Variants in FNDC3A observed in about 807,000 individuals in gnomAD.
FNDC3A encodes the protein fibronectin type III domain containing 3A, also known as fibronectin type-III domain-containing protein 3A.
A neutral mutation model predicts 148.9 loss-of-function variants in FNDC3A; 32 were observed. The observed-to-expected ratio is 0.21, with a 90% confidence interval of 0.16 to 0.29. FNDC3A has a LOEUF of 0.29. Among genes scored for constraint, FNDC3A ranks in the 10% least tolerant of loss-of-function variants. FNDC3A has a pLI of 1.00. For synonymous variants in FNDC3A, 472 were observed against 473.6 expected (o/e 1.00, Z 0.04); for missense variants, 1,191 against 1,452.8 (o/e 0.82, Z 2.93).
intron 1 of FNDC3A, among the ~76,000 whole-genome samples, chr13:49,002,111 C>A (rs1295588225): frequency 2.0e-5 from 3 of 152,160 alleles, no homozygotes; most frequent in African/African-American, 4.8e-5. Context: ...AGAAAAGAAC[C>A]TACGTGACTA....
chr13:49,033,512 G>A (rs535811532), intron 2 of FNDC3A, among the ~76,000 whole-genome samples: 3 of 152,074 alleles, frequency 2.0e-5, no homozygotes, highest in African/African-American at 4.8e-5. Flanking sequence ...GACAATATGA[G>A]GTCCAACTTG....
intron 2 of FNDC3A, among the ~76,000 whole-genome samples, chr13:49,038,118 C>G (rs1414203316): frequency 6.6e-6 from 1 of 152,168 alleles, no homozygotes; most frequent in Non-Finnish European, 1.5e-5. Context: ...CCACTGAACT[C>G]TTGGTGTTCA....
intron 2 of FNDC3A, among the ~76,000 whole-genome samples, chr13:49,074,984 T>A (rs1219616248): frequency 6.6e-6 from 1 of 152,198 alleles, no homozygotes; most frequent in African/African-American, 2.4e-5. Context: ...TAAGCTCACT[T>A]AGATGATCTA....
chr13:48,991,959 T>A (rs1951928196), intron 1 of FNDC3A, among the ~76,000 whole-genome samples: 1 of 152,216 alleles, frequency 6.6e-6, no homozygotes, highest in African/African-American at 2.4e-5. Flanking sequence ...TATAATAAAG[T>A]GTTGAATGTC....
rs1196030085 is a variant in FNDC3A, at chr13:49,114,716, T to A, written c.237T>A (p.Pro79=). ...NGSVPPIYVP[P]GYAPQVIEDN... ...CTGTGCCTCCTATCTATGTGCCTCC[T>A]GGATATGCCCCACAGGTATGTTTTT... is the stretch of plus-strand genomic sequence containing the variant. Residue 79 remains proline, a synonymous_variant, in exon 4 of 26, where the codon CCT becomes CCA. Transcript: ENST00000492622. 6.2e-7 allele frequency: 1 copy of A among 1,609,404 alleles called. No individual in the cohort carries two copies. The highest frequency in any genetic ancestry group is 1.1e-5 in the South Asian group (1 of 90,984).
At chr13:49,127,586 T>C (rs1881776625) in intron 4 of FNDC3A, among the ~76,000 whole-genome samples, 1 of 152,220 alleles carries the variant, frequency 6.6e-6, no homozygotes, top group African/African-American at 2.4e-5. Flanking sequence ...TCACCAAACT[T>C]CAGACTCTAT....
At chr13:48,988,344 A>T (rs886959765) in intron 1 of FNDC3A, among the ~76,000 whole-genome samples, 1 of 152,202 alleles carries the variant, frequency 6.6e-6, no homozygotes, top group Non-Finnish European at 1.5e-5. Flanking sequence ...ATAAATTCAT[A>T]AACAGTACAT....
At chr13:49,070,067 G>A (rs1314491416) in intron 2 of FNDC3A, among the ~76,000 whole-genome samples, 1 of 152,002 alleles carries the variant, frequency 6.6e-6, no homozygotes, top group African/African-American at 2.4e-5. Flanking sequence ...CAAACCTCTG[G>A]ATCAGTGTTG....
At chr13:49,016,095 T>C (rs1420271873) in intron 2 of FNDC3A, among the ~76,000 whole-genome samples, 2 of 152,280 alleles carry the variant, frequency 1.3e-5, no homozygotes, top group Non-Finnish European at 2.9e-5. Context: ...CTGGCTTTGG[T>C]ATCAGGATGA....
chr13:49,010,837 C>T (rs1952326438), intron 2 of FNDC3A, among the ~76,000 whole-genome samples: 1 of 152,162 alleles, frequency 6.6e-6, no homozygotes, highest in South Asian at 2.1e-4. Context: ...TCTATATATA[C>T]TTCACTATAC....
At chr13:49,067,870 A>C (rs78651983) in intron 2 of FNDC3A, among the ~76,000 whole-genome samples, 233 of 152,292 alleles carry the variant, frequency 1.5e-3, no homozygotes, top group African/African-American at 5.4e-3. Flanking sequence ...GTCTCAAGTA[A>C]CATCCTACAG....
intron 2 of FNDC3A, among the ~76,000 whole-genome samples, chr13:49,069,001 C>T (rs968391957): frequency 6.6e-6 from 1 of 151,936 alleles, no homozygotes; most frequent in Admixed American, 6.6e-5. Flanking sequence ...AACAAACCCC[C>T]GTGACATCAG....
intron 8 of FNDC3A, among the ~76,000 whole-genome samples, chr13:49,158,386 C>T (rs768439531): frequency 3.3e-5 from 5 of 152,232 alleles, no homozygotes; most frequent in East Asian, 1.9e-4. Flanking sequence ...GGCTCGCCCA[C>T]GGTACGCGCG....
intron 3 of FNDC3A, among the ~76,000 whole-genome samples, chr13:49,104,332 C>G (rs1377694161): frequency 6.6e-6 from 1 of 152,066 alleles, no homozygotes; most frequent in Non-Finnish European, 1.5e-5. Flanking sequence ...CCATACCATC[C>G]TGGCTAACAC....
intron 3 of FNDC3A, among the ~76,000 whole-genome samples, chr13:49,082,680 C>G (rs1878556058): frequency 6.6e-6 from 1 of 151,920 alleles, no homozygotes; most frequent in Non-Finnish European, 1.5e-5. Flanking sequence ...AGTAGGATGT[C>G]AGAGCCCTAA....
At chr13:49,016,672 T>C (rs1872808856) in intron 2 of FNDC3A, among the ~76,000 whole-genome samples, 1 of 152,190 alleles carries the variant, frequency 6.6e-6, no homozygotes. Context: ...CTTGCTTTTC[T>C]AATTCTTTTA....
At chr13:49,152,604 G>T (rs940397225) in intron 8 of FNDC3A, among the ~76,000 whole-genome samples, 1 of 151,854 alleles carries the variant, frequency 6.6e-6, no homozygotes, top group Non-Finnish European at 1.5e-5. Context: ...CTGGTGCGCT[G>T]CACCCACTAA....
chr13:49,077,229 T>C (rs1878176709), intron 3 of FNDC3A, among the ~76,000 whole-genome samples: 1 of 152,216 alleles, frequency 6.6e-6, no homozygotes, highest in South Asian at 2.1e-4. Context: ...GCTATGGTCA[T>C]ACCAGTGCAC....
At chr13:49,172,763 A>T (rs189716724) in intron 11 of FNDC3A, among the ~76,000 whole-genome samples, 1 of 152,182 alleles carries the variant, frequency 6.6e-6, no homozygotes, top group African/African-American at 2.4e-5. Flanking sequence ...CCCACCTACC[A>T]TATAAGGTTA....
Sources: allele counts gnomAD v4.1 joint callset (sites outside exome capture counted in the v4.1 genomes callset), GRCh38; gene constraint gnomAD v4.1.1; transcripts MANE v1.5; gene names NCBI Gene and HGNC (gene_info 2026-07-23, HGNC 2026-07-21).